GXYLT2: variants seen among roughly 807,000 people sequenced by gnomAD.
The protein encoded by GXYLT2 is glycosyltransferase 8 domain containing 4.
In GXYLT2, 53 loss-of-function variants were observed where a neutral mutation model predicts 45.8. The ratio of observed to expected loss-of-function variants is 1.16; its 90% CI spans 0.93 to 1.46. The LOEUF (loss-of-function observed/expected upper bound fraction) is 1.46. Ranked by LOEUF, GXYLT2 falls within the 40% of genes most tolerant of loss-of-function variation. The pLI is 0.00. For synonymous variants in GXYLT2, 219 were observed against 214.2 expected (o/e 1.02, Z -0.19); for missense variants, 551 against 544.4 (o/e 1.01, Z -0.12).
chr3:72,954,282 A>G (rs1291477622), intron 3 of GXYLT2, among the ~76,000 whole-genome samples: 1 of 151,200 alleles, frequency 6.6e-6, no homozygotes, highest in Non-Finnish European at 1.5e-5. Context: ...TAATTTTTGT[A>G]TTTTTAGTAG....
chr3:72,968,054 A>T (rs973024509), intron 6 of GXYLT2, among the ~76,000 whole-genome samples: 1 of 151,972 alleles, frequency 6.6e-6, no homozygotes, highest in East Asian at 1.9e-4. Flanking sequence ...GCTTACTGCA[A>T]CCTCCACCTC....
intron 3 of GXYLT2, among the ~76,000 whole-genome samples, chr3:72,951,632 T>C (rs1710527302): frequency 6.6e-6 from 1 of 152,202 alleles, no homozygotes. Context: ...TGCTGTTTTC[T>C]CACATTTCTC....
At chr3:72,940,919 A>G (rs182649422) in intron 3 of GXYLT2, among the ~76,000 whole-genome samples, 3 of 152,276 alleles carry the variant, frequency 2.0e-5, no homozygotes, top group Admixed American at 6.5e-5. Context: ...GCCTCAAGCA[A>G]TACTCCCACC....
intron 5 of GXYLT2, among the ~76,000 whole-genome samples, chr3:72,964,290 G>A (rs1710819555): frequency 6.6e-6 from 1 of 151,968 alleles, no homozygotes; most frequent in Non-Finnish European, 1.5e-5. Flanking sequence ...CCTCTAAGGA[G>A]GTTGCAAAGA....
At chr3:72,892,177 C>T (rs973870834) in intron 1 of GXYLT2, among the ~76,000 whole-genome samples, 1 of 152,198 alleles carries the variant, frequency 6.6e-6, no homozygotes, top group Non-Finnish European at 1.5e-5. Context: ...CCAGCTCAGA[C>T]ATTTGATGAT....
In GXYLT2 at chr3:72,889,312, T is replaced by G. The variant is rs370806507; in HGVS notation, c.275+804T>G. On this transcript the variant is annotated intron_variant, in intron 1 of 6. Transcript: ENST00000389617. ...CAATCCCCTTGTCTTGTAGCGAGTC[T>G]GTTTCATCTGCCCTTTCAAAACTGT... Among the ~76,000 whole-genome samples the G allele has an allele frequency of 1.2e-3, 178 of 152,358 alleles. 4 individuals carry two copies. The highest frequency in any genetic ancestry group is 4.1e-3 in the African/African-American group (171 of 41,582).
chr3:72,945,248 A>G (rs949099071), intron 3 of GXYLT2, among the ~76,000 whole-genome samples: 12 of 152,128 alleles, frequency 7.9e-5, no homozygotes, highest in Non-Finnish European at 1.8e-4. Flanking sequence ...AGATCGCGCC[A>G]CTGCACTCCA....
At chr3:72,922,178 C>G in intron 2 of GXYLT2, 26 bp from the exon 3 acceptor site, 1 of 1,608,248 alleles carries the variant, frequency 6.2e-7, no homozygotes, top group Non-Finnish European at 8.5e-7. Flanking sequence ...CCTAATCACC[C>G]TTCCCTTGCT....
intron 3 of GXYLT2, among the ~76,000 whole-genome samples, chr3:72,928,199 G>A (rs1709954799): frequency 6.6e-6 from 1 of 152,224 alleles, no homozygotes. Flanking sequence ...GCTCCCCAGT[G>A]AAACAAGCAT....
At chr3:72,889,779 C>T (rs560259308) in intron 1 of GXYLT2, among the ~76,000 whole-genome samples, 1 of 152,228 alleles carries the variant, frequency 6.6e-6, no homozygotes, top group African/African-American at 2.4e-5. Flanking sequence ...ACATCGCTAA[C>T]CTATTGCCAG....
intron 3 of GXYLT2, among the ~76,000 whole-genome samples, chr3:72,931,339 C>T (rs1405446547): frequency 1.3e-5 from 2 of 151,950 alleles, no homozygotes; most frequent in Non-Finnish European, 2.9e-5. Flanking sequence ...CCCCCATTCT[C>T]CTGCCTCAGC....
At chr3:72,941,256 CCT>C (rs924791708) in intron 3 of GXYLT2, among the ~76,000 whole-genome samples, 51 of 152,282 alleles carry the variant, frequency 3.3e-4, no homozygotes, top group African/African-American at 1.2e-3. Flanking sequence ...TCTCTATTCT[CCT>C]GTTACTACTC....
chr3:72,897,295 A>G (rs530322785), intron 1 of GXYLT2, among the ~76,000 whole-genome samples: 3 of 152,296 alleles, frequency 2.0e-5, no homozygotes, highest in East Asian at 3.9e-4. Context: ...ATTTCTAACA[A>G]TCTTGCCTCC....
chr3:72,962,965 A>C (rs1710795261), intron 5 of GXYLT2, among the ~76,000 whole-genome samples: 1 of 46,996 alleles, frequency 2.1e-5, no homozygotes, highest in South Asian at 7.6e-4. Context: ...AAAAAAAAAA[A>C]ACAAAAAAAC....
rs151329279 is a variant in GXYLT2 at position 72,943,849 on chromosome 3, G to A, written c.601-11249G>A. On this transcript the variant is annotated intron_variant, in intron 3 of 6. Coordinates refer to ENST00000389617, the MANE Select transcript of GXYLT2 (RefSeq NM_001080393.2). ...TATTGCTTGCACCTTTCCATTGAGA[G>A]CATCATTTTTTTTTTTTAGAGGTGG... 8.0e-5 allele frequency among the ~76,000 whole-genome samples: 12 copies of A among 149,820 alleles called. No homozygotes were observed. In the East Asian group the frequency reaches 2.0e-3, roughly 25 times the overall value.
intron 2 of GXYLT2, among the ~76,000 whole-genome samples, chr3:72,911,991 GTGTATA>G (rs1450007225): frequency 2.3e-5 from 3 of 131,808 alleles, no homozygotes; most frequent in African/African-American, 6.7e-5. Context: ...GTGTGTGTGT[GTGTATA>G]TATATATATA....
At chr3:72,929,119 C>G in intron 3 of GXYLT2, 1 of 1,590,784 alleles carries the variant, frequency 6.3e-7, no homozygotes, top group South Asian at 1.1e-5. Flanking sequence ...GCTAGATCAA[C>G]CTGGAGCTCT....
chr3:72,933,924 A>G (rs1710127339), intron 3 of GXYLT2, among the ~76,000 whole-genome samples: 1 of 151,902 alleles, frequency 6.6e-6, no homozygotes, highest in Non-Finnish European at 1.5e-5. Flanking sequence ...AATAATAATA[A>G]TAAAGAAAGG....
rs564189034 is a variant in GXYLT2 at position 72,893,363 on chromosome 3, A to C, written c.275+4855A>C. On this transcript the variant is annotated intron_variant, in intron 1 of 6. Transcript: ENST00000389617. ...TGCTGGAATGTTTGTGCACATCCTAACACGGCTAACTCCTCCATTTTTTTC... is the reference window on the plus strand; with the variant it reads ...TGCTGGAATGTTTGTGCACATCCTACCACGGCTAACTCCTCCATTTTTTTC... 2.0e-5 allele frequency among the ~76,000 whole-genome samples: 3 copies of C among 152,188 alleles called. No homozygotes were observed. In the South Asian group the frequency reaches 6.2e-4, roughly 32 times the overall value.
Sources: gnomAD v4.1 joint callset for allele counts (sites outside exome capture counted in the v4.1 genomes callset) on GRCh38, gnomAD v4.1.1 for gene constraint, MANE v1.5 for transcripts, NCBI Gene and HGNC (gene_info 2026-07-23, HGNC 2026-07-21) for gene names.